Variants in ARRDC2 observed in about 807,000 individuals in gnomAD.
The protein encoded by ARRDC2 is arrestin domain-containing protein 2.
Under a neutral mutation model 38.9 loss-of-function variants are expected in ARRDC2, and 39 were observed. The ratio of observed to expected loss-of-function variants is 1.00; its 90% confidence interval spans 0.78 to 1.31. The LOEUF (loss-of-function observed/expected upper bound fraction) is 1.31, where lower values mean the gene tolerates loss of function less well. Ranked by LOEUF, ARRDC2 falls within the 50% of genes most tolerant of loss-of-function variation. ARRDC2 has a pLI of 0.00. For missense variants in ARRDC2, 553 were observed against 588.4 expected (o/e 0.94, Z 0.62); for synonymous variants, 300 against 261.9 (o/e 1.15, Z -1.41).
chr19:18,008,116 A>ACCCCCCCCCCCCCC, upstream of ARRDC2: 6 of 522,498 alleles, frequency 1.1e-5, no homozygotes, highest in Non-Finnish European at 1.7e-5. Context: ...AGAGACGGTG[A>ACCCCCCCCCCCCCC]CCCCACCCCC....
intron 1 of ARRDC2, among the ~76,000 whole-genome samples, chr19:18,002,810 A>C (rs1274508364): frequency 6.6e-6 from 1 of 152,120 alleles, no homozygotes; most frequent in Non-Finnish European, 1.5e-5. Context: ...TCCTTAAAAC[A>C]CTGGAGAGGC....
At position 18,009,012 on chromosome 19, in the gene ARRDC2, G is replaced by C. The variant is rs76941687; in HGVS notation, c.383G>C (p.Arg128Pro). The stretch of plus-strand genomic sequence containing the variant: ...TTCGAGGGCAAACACGGTAGTGTCC[G>C]CTACTGTATCAAGGCCACCCTGCAC... ...TSFEGKHGSV[R>P]YCIKATLHRP... The change falls in exon 3 of 8, where the codon CGC (arginine) becomes CCC (proline). Residue 128 changes from arginine (R) to proline (P), a missense_variant. By Grantham distance (103) the Arg-to-Pro change is moderately radical. This residue lies in a region of ARRDC2 where 447 missense variants were observed against 456.6 expected (regional missense o/e 0.98). Coordinates refer to ENST00000222250, the MANE Select transcript of ARRDC2 (RefSeq NM_015683.2). 1.2e-6 allele frequency: 2 copies of C among 1,613,734 alleles called. No individual in the cohort carries two copies. The highest frequency in any genetic ancestry group is 2.2e-5 in the East Asian group (1 of 44,874).
chr19:18,010,810 T>C (rs557882420), intron 7 of ARRDC2, 81 bp downstream of exon 7: 7 of 1,435,040 alleles, frequency 4.9e-6, no homozygotes, highest in Admixed American at 2.2e-5. Flanking sequence ...AGTAGATGGG[T>C]TTTTTTTGTT....
upstream of ARRDC2, among the ~76,000 whole-genome samples, chr19:18,005,279 A>C (rs1385523079): frequency 6.6e-6 from 1 of 152,108 alleles, no homozygotes; most frequent in African/African-American, 2.4e-5. Context: ...TGGACACAGC[A>C]CATGTTTCAG....
rs979980261 is a variant in ARRDC2, at chr19:18,014,040, T to C, written c.*1074T>C. The C allele has an allele frequency of 2.6e-5, 4 of 152,116 alleles. No homozygotes were observed. The highest frequency in any genetic ancestry group is 6.5e-5 in the Admixed American group (1 of 15,274). The allele number at this position is 152,116 out of a possible 1,614,324, so 9.4% of individuals were successfully genotyped here. Reference sequence around the variant, plus strand: ...GGCCTGGGACTCAGCATTTCTGATATGCCTTAAGAATTCATTCTGTTTTGT... The same window carrying C: ...GGCCTGGGACTCAGCATTTCTGATACGCCTTAAGAATTCATTCTGTTTTGT... On this transcript the variant is annotated 3_prime_UTR_variant, in exon 8 of 8. Transcript: ENST00000222250.
upstream of ARRDC2, among the ~76,000 whole-genome samples, chr19:18,005,727 C>G (rs2145998061): frequency 6.6e-6 from 1 of 151,982 alleles, no homozygotes; most frequent in East Asian, 1.9e-4. Flanking sequence ...GGCTGACCCC[C>G]CGCCTCCCTC....
intron 1 of ARRDC2, among the ~76,000 whole-genome samples, chr19:18,002,423 G>T (rs1375920743): frequency 6.6e-6 from 1 of 152,196 alleles, no homozygotes; most frequent in Non-Finnish European, 1.5e-5. Context: ...GCGAGCCAGG[G>T]GTCACAGAAG....
intron 1 of ARRDC2, among the ~76,000 whole-genome samples, chr19:18,001,809 G>C (rs889395727): frequency 2.0e-5 from 3 of 152,212 alleles, no homozygotes; most frequent in African/African-American, 7.2e-5. Context: ...CAGGCTTAGT[G>C]GCGCGCGCCT....
At chr19:18,003,927 C>T (rs2033225473), upstream of ARRDC2, among the ~76,000 whole-genome samples, 1 of 152,038 alleles carries the variant, frequency 6.6e-6, no homozygotes, top group Non-Finnish European at 1.5e-5. Context: ...GCATGAGCCA[C>T]AGTGCCCGGC....
chr19:18,008,628 C>T lies in ARRDC2; in HGVS notation c.274+44C>T, dbSNP rs200712510. ...TGCTCCAACACCAGTTGTGTGCCTC[C>T]CACCACCTGGACGGCGGTACCTCCG... On this transcript the variant is annotated intron_variant, in intron 1 of 7. Coordinates refer to ENST00000222250, the MANE Select transcript of ARRDC2 (RefSeq NM_015683.2). 730 of 1,600,020 alleles carry T rather than the reference C, an allele frequency of 4.6e-4. 7 individuals carry two copies. The African/African-American group carries it at 8.1e-3, about 18-fold the overall frequency.
chr19:18,008,563 C>T lies in ARRDC2; in HGVS notation c.253C>T (p.Arg85Cys). Residue 85 changes from arginine (R) to cysteine (C), a missense_variant, in exon 1 of 8, where the codon CGC becomes TGC. By Grantham distance (180) the Arg-to-Cys change is radical (BLOSUM62 -3). This residue lies in a region of ARRDC2 where 447 missense variants were observed against 456.6 expected (regional missense o/e 0.98). Transcript: ENST00000222250. ...YSERVEVVSH[R>C]ATLLAPDTGE... ...TGAACGCGTGGAGGTCGTGAGCCAC[C>T]GCGCCACGCTCCTGGCGCCAGGTAC... 1 of 1,576,854 alleles carries T rather than the reference C, an allele frequency of 6.3e-7. No individual in the cohort carries two copies. Among genetic ancestry groups the T allele is most frequent in the Admixed American group, 1.8e-5 (1 of 55,366 alleles).
chr19:18,004,139 G>T (rs963763433), upstream of ARRDC2, among the ~76,000 whole-genome samples: 6 of 148,506 alleles, frequency 4.0e-5, no homozygotes, highest in African/African-American at 1.5e-4. Context: ...CCAGTACTTT[G>T]GGAGGCTGAG....
chr19:18,010,588 G>T lies in ARRDC2; in HGVS notation c.1029G>T (p.Ser343=). Reference sequence around the variant, plus strand: ...CGCTTCCAGCTCCTCCTGAGTACTCGGAGGTGGTAGCCGACACTGAGGAGG... The same window carrying T: ...CGCTTCCAGCTCCTCCTGAGTACTCTGAGGTGGTAGCCGACACTGAGGAGG... ...PERPEAPPEY[S]EVVADTEEAA... is the part of the protein sequence containing the mutation. Residue 343 remains serine, a synonymous_variant, in exon 7 of 8, where the codon TCG becomes TCT. Coordinates refer to ENST00000222250, the MANE Select transcript of ARRDC2 (RefSeq NM_015683.2). 1.9e-6 allele frequency: 3 copies of T among 1,613,704 alleles called. No homozygotes were observed. The highest frequency in any genetic ancestry group is 2.5e-6 in the Non-Finnish European group (3 of 1,180,002).
chr19:18,006,156 C>T (rs1388499030), upstream of ARRDC2, among the ~76,000 whole-genome samples: 8 of 149,982 alleles, frequency 5.3e-5, no homozygotes, highest in Non-Finnish European at 1.0e-4. Context: ...GGCAGCCAGG[C>T]AGAGGGGCTC....
At chr19:18,004,885 G>A (rs1258097341), upstream of ARRDC2, among the ~76,000 whole-genome samples, 2 of 150,540 alleles carry the variant, frequency 1.3e-5, no homozygotes, top group African/African-American at 2.4e-5. Flanking sequence ...CTGTAATCCC[G>A]GCTACTCGGG....
rs1302989981 is a variant in ARRDC2, at chr19:18,001,558, C to T, written c.244C>T (p.Gln82Ter). The T allele has an allele frequency of 7.3e-7, 1 of 1,367,078 alleles. No homozygotes were observed. Among genetic ancestry groups the T allele is most frequent in the African/African-American group, 1.5e-5 (1 of 66,262 alleles). The allele number at this position is 1,367,078 out of a possible 1,614,324, so 84.7% of individuals were successfully genotyped here. ...CGCGGAGACCTACCTGCGGCGTCGG[C>T]AGCTGCTGCTCCGAGGTGAGACACT... The change falls in exon 1 of 8, where the codon CAG becomes TAG. Residue 82 changes from glutamine (Q) to a stop codon, truncating the protein, a stop_gained. Transcript: ENST00000379656. LOFTEE classifies it high-confidence loss of function.
chr19:18,010,761 C>A, intron 7 of ARRDC2, 32 bp downstream of exon 7: 1 of 1,603,308 alleles, frequency 6.2e-7, no homozygotes, highest in Non-Finnish European at 8.5e-7. Context: ...CCACCCATGC[C>A]TCTCTGGGCC....
chr19:18,011,930 A>ATG lies in ARRDC2; in HGVS notation c.1171-979_1171-978dup, dbSNP rs1243159054. 2.3e-3 allele frequency among the ~76,000 whole-genome samples: 234 copies of ATG among 99,788 alleles called. 1 individual carries two copies. Among genetic ancestry groups the ATG allele is most frequent in the African/African-American group, 7.2e-3 (196 of 27,070 alleles). The allele number at this position is 99,788 out of a possible 152,430, so 65.5% of individuals were successfully genotyped here. A position where few individuals can be genotyped will look rare whatever the true frequency, so the allele number is the denominator to read the frequency against. ...TAGCATTTATATTTTGTGTGTGTAT[A>ATG]TGTGTATATATATATATATATATTT... On this transcript the variant is annotated intron_variant, in intron 7 of 7. Transcript: ENST00000222250.
Position 18,010,240 on chromosome 19 carries a change from G to A in ARRDC2, c.894G>A (p.Leu298=), listed in dbSNP as rs139982730. 5 of 1,613,886 alleles carry A rather than the reference G, an allele frequency of 3.1e-6. No homozygotes were observed. Among genetic ancestry groups the A allele is most frequent in the Non-Finnish European group, 4.2e-6 (5 of 1,179,996 alleles). The change falls in exon 6 of 8, where the codon CTG becomes CTA. Residue 298 remains leucine, a synonymous_variant. Transcript: ENST00000222250. ...GAACGTCCAAGCTGCTGCTGGAGCT[G>A]CCACTGGTGATCGGCACCATTCCCT... is the stretch of plus-strand genomic sequence containing the variant. ...IPGTSKLLLE[L]PLVIGTIPLH... is the part of the protein sequence containing the mutation.
Sources: allele counts gnomAD v4.1 joint callset (sites outside exome capture counted in the v4.1 genomes callset), GRCh38; gene constraint gnomAD v4.1.1; regional missense constraint gnomAD v4.1.1; transcripts MANE v1.5; gene names NCBI Gene and HGNC (gene_info 2026-07-23, HGNC 2026-07-21).